Variants in SNX29 observed in about 807,000 individuals in gnomAD.
The protein encoded by SNX29 is sorting nexin 29, also known as sorting nexin-29.
Under a neutral mutation model 102.1 loss-of-function variants are expected in SNX29, and 78 were observed. The ratio of observed to expected loss-of-function variants is 0.76; its 90% CI spans 0.64 to 0.92. The LOEUF is 0.92. SNX29 is among the 40% of genes least tolerant of loss of function. The pLI is 0.00. For missense variants in SNX29, 1,280 were observed against 1,061.7 expected, an observed-to-expected ratio of 1.21 and a Z score of -2.86; for synonymous variants, 580 against 414.5, an observed-to-expected ratio of 1.40 and a Z score of -4.85.
chr16:12,097,661 C>T (rs1394011978), intron 11 of SNX29, among the ~76,000 whole-genome samples: 1 of 152,152 alleles, frequency 6.6e-6, no homozygotes, highest in African/African-American at 2.4e-5. Context: ...GAAGGGCTGT[C>T]CCTGAACTCT....
intron 20 of SNX29, among the ~76,000 whole-genome samples, chr16:12,539,286 C>A (rs755242070): frequency 1.1e-4 from 17 of 152,068 alleles, no homozygotes; most frequent in Non-Finnish European, 1.6e-4. Flanking sequence ...GCACCCTCCC[C>A]CACCTCTAAG....
chr16:12,399,708 A>C (rs994770454), intron 17 of SNX29, among the ~76,000 whole-genome samples: 63 of 151,974 alleles, frequency 4.1e-4, no homozygotes, highest in African/African-American at 1.5e-3. Context: ...GGGGCTATTC[A>C]TGTTGGGGCA....
intron 19 of SNX29, among the ~76,000 whole-genome samples, chr16:12,503,733 G>A (rs1274378898): frequency 1.3e-5 from 2 of 152,006 alleles, no homozygotes; most frequent in East Asian, 3.9e-4. Context: ...TGTCAGAGAG[G>A]CTTTCTTCAA....
chr16:12,295,937 A>G (rs2079966283), intron 15 of SNX29, among the ~76,000 whole-genome samples: 1 of 152,242 alleles, frequency 6.6e-6, no homozygotes, highest in Admixed American at 6.5e-5. Context: ...GTTTCCAAAA[A>G]TGAGTCTTTT....
intron 20 of SNX29, among the ~76,000 whole-genome samples, chr16:12,536,647 C>T (rs923411973): frequency 9.2e-5 from 14 of 152,158 alleles, no homozygotes; most frequent in Admixed American, 7.2e-4. Context: ...CAGCTAATTT[C>T]TGGGTTCCTT....
intron 19 of SNX29, among the ~76,000 whole-genome samples, chr16:12,481,427 TATACAC>T (rs1360273777): frequency 1.3e-5 from 2 of 148,222 alleles, no homozygotes; most frequent in Non-Finnish European, 3.0e-5. Context: ...CATACACACA[TATACAC>T]ATATATACAC....
At position 12,494,102 on chromosome 16, in the gene SNX29, C is replaced by T. The variant is rs189855689; in HGVS notation, c.2178+16243C>T. 4.6e-5 allele frequency among the ~76,000 whole-genome samples: 7 copies of T among 152,272 alleles called. No homozygotes were observed. The East Asian group carries it at 1.4e-3, about 29-fold the overall frequency. The stretch of plus-strand genomic sequence containing the variant: ...GTCTACAAAGATAGAGCTCCCAGTG[C>T]TATGCGAGGCTCAGGTGGGAAGATC... On this transcript the variant is annotated intron_variant, in intron 19 of 20. Transcript: ENST00000566228.
Position 12,096,785 on chromosome 16 carries a change from C to T in SNX29, c.1402+17870C>T, listed in dbSNP as rs2052784814. ...GTTTTAGGTTATGCAGTACAGCTCC[C>T]AACTCCTTACCTGGAAAAAGACCAG... On this transcript the variant is annotated intron_variant, in intron 11 of 20. Transcript: ENST00000566228. The surrounding 1 kb of genome is among the most constrained non-coding windows in gnomAD (Gnocchi z 4.2). Among the ~76,000 whole-genome samples the T allele has an allele frequency of 6.6e-6, 1 of 152,198 alleles. No homozygotes were observed. The highest frequency in any genetic ancestry group is 1.5e-5 in the Non-Finnish European group (1 of 68,036).
In SNX29 at chr16:12,060,078, C is replaced by G. The variant is rs142014948; in HGVS notation, c.1125-1450C>G. Among the ~76,000 whole-genome samples, 85 of 152,228 alleles carry G rather than the reference C, an allele frequency of 5.6e-4. 2 individuals carry two copies. The Middle Eastern group carries it at 0.024, about 43-fold the overall frequency. ...TTACAGTACAGCTGGCTCTCTGCAT[C>G]CATGGACTCTGCATCCGTGAGTTCC... is the stretch of plus-strand genomic sequence containing the variant. On this transcript the variant is annotated intron_variant, in intron 8 of 20. Transcript: ENST00000566228.
rs1359668742 is a variant in SNX29, at chr16:12,569,322, C to A, written c.*693C>A. ...GCTGGCTTCAGGAAGGACCAGTGCC[C>A]TCCATAGCCTGAGGCCACCTAGGCC... On this transcript the variant is annotated 3_prime_UTR_variant, in exon 21 of 21. Transcript: ENST00000566228. 1 of 229,738 alleles carries A rather than the reference C, an allele frequency of 4.4e-6. No individual in the cohort carries two copies. Among genetic ancestry groups the A allele is most frequent in the Admixed American group, 5.7e-5 (1 of 17,612 alleles). 14.2% of individuals were successfully genotyped at this position (229,738 alleles called of 1,614,324 possible).
At chr16:12,125,056 G>A (rs974487747) in intron 11 of SNX29, among the ~76,000 whole-genome samples, 8 of 152,088 alleles carry the variant, frequency 5.3e-5, no homozygotes, top group Non-Finnish European at 1.2e-4. Flanking sequence ...TTACATGTTC[G>A]GGAGCTCCTC....
intron 1 of SNX29, among the ~76,000 whole-genome samples, chr16:11,986,898 G>A (rs1409522261): frequency 6.6e-6 from 1 of 152,160 alleles, no homozygotes; most frequent in Non-Finnish European, 1.5e-5. Flanking sequence ...TCAGCAGCTG[G>A]ATTTGGCTCG....
chr16:12,243,000 C>G (rs2078158221), intron 14 of SNX29, among the ~76,000 whole-genome samples: 1 of 152,190 alleles, frequency 6.6e-6, no homozygotes, highest in Non-Finnish European at 1.5e-5. Context: ...GGAGCCTCAT[C>G]TTTGGAGAGG....
chr16:12,416,503 A>G (rs1305021981), intron 18 of SNX29, among the ~76,000 whole-genome samples: 1 of 152,198 alleles, frequency 6.6e-6, no homozygotes, highest in Non-Finnish European at 1.5e-5. Flanking sequence ...AAACAGATAC[A>G]TGTAGCAAAA....
intron 19 of SNX29, among the ~76,000 whole-genome samples, chr16:12,488,912 G>T (rs564792830): frequency 6.6e-6 from 1 of 152,106 alleles, no homozygotes; most frequent in Non-Finnish European, 1.5e-5. Flanking sequence ...TAGGTAGAAC[G>T]CATTGGTTTT....
intron 14 of SNX29, among the ~76,000 whole-genome samples, chr16:12,224,826 C>T (rs148788968): frequency 3.5e-4 from 54 of 152,176 alleles, no homozygotes; most frequent in African/African-American, 1.2e-3. Context: ...GTAATGAGCC[C>T]AGGCAAACGT....
At chr16:12,551,561 A>G (rs2077978490) in intron 20 of SNX29, among the ~76,000 whole-genome samples, 1 of 152,208 alleles carries the variant, frequency 6.6e-6, no homozygotes, top group African/African-American at 2.4e-5. Flanking sequence ...TGCAAAGTTG[A>G]GAAGCCCTGC....
chr16:12,535,388 G>A (rs1208600480), intron 20 of SNX29, among the ~76,000 whole-genome samples: 2 of 152,164 alleles, frequency 1.3e-5, no homozygotes, highest in Non-Finnish European at 2.9e-5. Flanking sequence ...CACCCATCTC[G>A]GCCTCCCAAA....
chr16:12,356,974 G>A (rs1236493814), intron 16 of SNX29, among the ~76,000 whole-genome samples: 7 of 152,204 alleles, frequency 4.6e-5, no homozygotes. Context: ...CTACTTGCTT[G>A]GTTCTGTAGT....
Sources: allele counts gnomAD v4.1 joint callset (sites outside exome capture counted in the v4.1 genomes callset), GRCh38; gene constraint gnomAD v4.1.1; non-coding constraint Gnocchi (gnomAD v3.1); transcripts MANE v1.5; gene names NCBI Gene and HGNC (gene_info 2026-07-23, HGNC 2026-07-21).